Variants in SLC13A3 observed in about 807,000 individuals in gnomAD.
SLC13A3 encodes the protein solute carrier family 13 member 3, also known as Na(+)/dicarboxylate cotransporter 3.
A neutral mutation model predicts 59.0 loss-of-function variants in SLC13A3; 40 were observed. The ratio of observed to expected loss-of-function variants is 0.68; its 90% CI spans 0.53 to 0.88. SLC13A3 has a LOEUF of 0.88. SLC13A3 is among the 40% of genes least tolerant of loss of function. SLC13A3 has a pLI of 0.00. For missense variants in SLC13A3, 699 were observed against 783.2 expected (o/e 0.89, Z 1.28); for synonymous variants, 317 against 330.3 (o/e 0.96, Z 0.44).
At chr20:46,594,764 A>G (rs1027970817) in intron 5 of SLC13A3, among the ~76,000 whole-genome samples, 2 of 150,666 alleles carry the variant, frequency 1.3e-5, no homozygotes, top group Admixed American at 6.6e-5. Context: ...CTCCCAGTGC[A>G]TGGTTGACAA....
At chr20:46,600,740 T>A (rs934552931) in intron 3 of SLC13A3, 1 of 239,554 alleles carries the variant, frequency 4.2e-6, no homozygotes, top group South Asian at 4.7e-5. Context: ...CTCAGGGTAC[T>A]CTGTGAACAA....
intron 10 of SLC13A3, among the ~76,000 whole-genome samples, chr20:46,569,125 A>C (rs2062007948): frequency 6.6e-6 from 1 of 152,204 alleles, no homozygotes; most frequent in South Asian, 2.1e-4. Context: ...CTAAGGCTAC[A>C]GGCACACAAC....
chr20:46,669,236 CT>C (rs2063077610), intron 1 of SLC13A3, among the ~76,000 whole-genome samples: 2 of 152,200 alleles, frequency 1.3e-5, no homozygotes, highest in Admixed American at 1.3e-4. Context: ...CAGAGACACA[CT>C]TCAGCTAAAG....
chr20:46,638,313 T>A (rs2122843658), intron 1 of SLC13A3, among the ~76,000 whole-genome samples: 1 of 152,308 alleles, frequency 6.6e-6, no homozygotes, highest in South Asian at 2.1e-4. Context: ...TAAAAAGAGC[T>A]GGAAGAATGT....
chr20:46,631,616 A>G (rs926974026), intron 1 of SLC13A3, among the ~76,000 whole-genome samples: 3 of 152,042 alleles, frequency 2.0e-5, no homozygotes, highest in East Asian at 3.9e-4. Flanking sequence ...TTGGTCCCCA[A>G]CTCAGCCCCG....
At chr20:46,675,121 G>T (rs557259176), upstream of SLC13A3, among the ~76,000 whole-genome samples, 278 of 152,176 alleles carry the variant, frequency 1.8e-3, 1 homozygote, top group African/African-American at 6.4e-3. Context: ...AAGGAGCCCA[G>T]TGTGGCTGAC....
At chr20:46,589,080 G>A in intron 7 of SLC13A3, 80 bp downstream of exon 7, 2 of 1,272,584 alleles carry the variant, frequency 1.6e-6, no homozygotes, top group East Asian at 2.3e-5. Context: ...AGCCCCCATG[G>A]GCCCAAGGCC....
intron 1 of SLC13A3, among the ~76,000 whole-genome samples, chr20:46,648,769 G>A (rs193155166): frequency 2.0e-5 from 3 of 152,230 alleles, no homozygotes; most frequent in Admixed American, 1.3e-4. Flanking sequence ...GCCGGGTGTG[G>A]TGACAGGAGC....
intron 1 of SLC13A3, among the ~76,000 whole-genome samples, chr20:46,647,946 GTA>G (rs1222805479): frequency 6.6e-6 from 1 of 152,180 alleles, no homozygotes; most frequent in Non-Finnish European, 1.5e-5. Flanking sequence ...AGTGATCCAT[GTA>G]TACAATACAA....
At chr20:46,655,294 C>T (rs955620076), upstream of SLC13A3, among the ~76,000 whole-genome samples, 15 of 150,360 alleles carry the variant, frequency 1.0e-4, no homozygotes, top group African/African-American at 3.7e-4. Flanking sequence ...CACATATATA[C>T]ACATATATAC....
upstream of SLC13A3, among the ~76,000 whole-genome samples, chr20:46,656,326 G>T (rs189220819): frequency 3.7e-5 from 4 of 108,020 alleles, no homozygotes; most frequent in East Asian, 5.0e-4. Flanking sequence ...TACTGTATAT[G>T]ATATACTATA....
At chr20:46,595,567 G>C (rs780662555) in intron 5 of SLC13A3, among the ~76,000 whole-genome samples, 1 of 152,158 alleles carries the variant, frequency 6.6e-6, no homozygotes, top group South Asian at 2.1e-4. Context: ...CTCCTCTGCT[G>C]TGACCTTTCC....
At chr20:46,580,035 G>A (rs189924024) in intron 9 of SLC13A3, among the ~76,000 whole-genome samples, 46 of 151,870 alleles carry the variant, frequency 3.0e-4, no homozygotes, top group Middle Eastern at 6.8e-3. Context: ...GCGTGATCTC[G>A]GCTCACTGCA....
chr20:46,641,492 A>G (rs1007913565), intron 1 of SLC13A3, among the ~76,000 whole-genome samples: 1 of 152,184 alleles, frequency 6.6e-6, no homozygotes, highest in Non-Finnish European at 1.5e-5. Context: ...TGTGGGATGA[A>G]GAGGGCAGGT....
chr20:46,564,164 G>A (rs2061959923), intron 11 of SLC13A3, among the ~76,000 whole-genome samples: 1 of 152,188 alleles, frequency 6.6e-6, no homozygotes, highest in Non-Finnish European at 1.5e-5. Context: ...GTTGGCCTCT[G>A]GATACCTCTT....
chr20:46,579,590 T>C (rs1244247943), intron 9 of SLC13A3, among the ~76,000 whole-genome samples: 3 of 152,228 alleles, frequency 2.0e-5, no homozygotes, highest in African/African-American at 7.2e-5. Context: ...GGACAGGCAG[T>C]GCTCATGGAG....
At chr20:46,673,103 C>A (rs1455110333), upstream of SLC13A3, among the ~76,000 whole-genome samples, 1 of 152,048 alleles carries the variant, frequency 6.6e-6, no homozygotes, top group Admixed American at 6.6e-5. Context: ...CCTCCATGGC[C>A]TTGTGGAAAA....
chr20:46,584,161 G>A (rs2062168695), intron 8 of SLC13A3: 1 of 985,238 alleles, frequency 1.0e-6, no homozygotes, highest in African/African-American at 1.7e-5. Context: ...CACGTTTCAA[G>A]CATCCACAAT....
chr20:46,560,061 C>T lies in SLC13A3; in HGVS notation c.1770G>A (p.Leu590=), dbSNP rs2146067707. 3.7e-6 allele frequency: 6 copies of T among 1,614,114 alleles called. No individual in the cohort carries two copies. Among genetic ancestry groups the T allele is most frequent in the South Asian group, 1.1e-5 (1 of 91,072 alleles). ...ADMYSVNVTA[L]PPTLANDTFR... is the part of the protein sequence containing the mutation. ...ATGTGTCATTGGCCAAGGTGGGTGG[C>T]AATGCTGTGACATTGACCGAGTACA... Residue 590 remains leucine, a synonymous_variant, in exon 13 of 13, where the codon TTG becomes TTA. Coordinates refer to ENST00000279027, the MANE Select transcript of SLC13A3 (RefSeq NM_022829.6).
Sources: gnomAD v4.1 joint callset for allele counts (sites outside exome capture counted in the v4.1 genomes callset) on GRCh38, gnomAD v4.1.1 for gene constraint, MANE v1.5 for transcripts, NCBI Gene and HGNC (gene_info 2026-07-23, HGNC 2026-07-21) for gene names.